The following HECW1 variants were observed in gnomAD, a reference collection of about 807,000 sequenced individuals.
HECW1 encodes E3 ubiquitin-protein ligase HECW1.
Under a neutral mutation model 182.3 loss-of-function variants are expected in HECW1, and 61 were observed. The observed-to-expected ratio is 0.33, with a 90% CI of 0.27 to 0.41. HECW1 has a LOEUF of 0.41. Among genes scored for constraint, HECW1 ranks in the 10% least tolerant of loss-of-function variants. HECW1 has a pLI of 1.00. For synonymous variants in HECW1, 859 were observed against 832.6 expected (o/e 1.03, Z -0.55); for missense variants, 1,739 against 2,108.9 (o/e 0.82, Z 3.44).
chr7:43,530,053 G>A lies in HECW1; in HGVS notation c.4020-11110G>A, dbSNP rs149260738. ...CAACCTCCGCCTCCCAGGTTCAAGC[G>A]ATTCTCCCACCTCAGCCTCTCAAGT... On this transcript the variant is annotated intron_variant, in intron 24 of 29. Coordinates refer to ENST00000395891, the MANE Select transcript of HECW1 (RefSeq NM_015052.5). Among the ~76,000 whole-genome samples the A allele has an allele frequency of 9.8e-3, 1,481 of 150,770 alleles. 70 individuals carry two copies. The highest frequency in any genetic ancestry group is 0.07 in the Admixed American group (1,066 of 15,122).
At chr7:43,361,061 T>TGC in intron 6 of HECW1, 81 bp downstream of exon 6, 4 of 97,578 alleles carry the variant, frequency 4.1e-5, no homozygotes, top group Non-Finnish European at 6.5e-5. Context: ...TGCGTGCGTG[T>TGC]GTGTGTGTGT....
At chr7:43,226,386 G>T (rs1253306851) in intron 2 of HECW1, among the ~76,000 whole-genome samples, 1 of 152,148 alleles carries the variant, frequency 6.6e-6, no homozygotes, top group African/African-American at 2.4e-5. Context: ...CCTCCCCAGT[G>T]GGGTGATGAT....
chr7:43,276,883 C>T (rs1253610783), intron 3 of HECW1, among the ~76,000 whole-genome samples: 2 of 152,196 alleles, frequency 1.3e-5, no homozygotes, highest in Non-Finnish European at 2.9e-5. Flanking sequence ...TGCTCTGCAA[C>T]CCTCCTTCAC....
In HECW1 at chr7:43,432,979, G is replaced by A. The variant is rs953006874; in HGVS notation, c.802-5024G>A. On this transcript the variant is annotated intron_variant, in intron 8 of 29. Coordinates refer to ENST00000395891, the MANE Select transcript of HECW1 (RefSeq NM_015052.5). This position sits in a 1 kb window ranked among gnomAD's most constrained non-coding sequence, Gnocchi z 4.1. ...AACATCCTCCTATATTGCAGCACCA[G>A]TGCTAATATCTCTCTGGACGATTGA... Among the ~76,000 whole-genome samples the A allele has an allele frequency of 2.6e-5, 4 of 152,330 alleles. No homozygotes were observed. The highest frequency in any genetic ancestry group is 9.6e-5 in the African/African-American group (4 of 41,576).
intron 2 of HECW1, among the ~76,000 whole-genome samples, chr7:43,179,250 G>A (rs142776528): frequency 2.0e-5 from 3 of 152,308 alleles, no homozygotes; most frequent in East Asian, 1.9e-4. Flanking sequence ...AACTTGAATC[G>A]AGCTGTATTA....
At chr7:43,412,801 G>C (rs1286911720) in intron 8 of HECW1, among the ~76,000 whole-genome samples, 1 of 150,920 alleles carries the variant, frequency 6.6e-6, no homozygotes, top group Non-Finnish European at 1.5e-5. Flanking sequence ...TTTTATGGCT[G>C]CATAGTATTC....
At chr7:43,272,878 A>G (rs1401168685) in intron 3 of HECW1, among the ~76,000 whole-genome samples, 2 of 152,232 alleles carry the variant, frequency 1.3e-5, no homozygotes, top group Non-Finnish European at 2.9e-5. Flanking sequence ...ATGCATGATC[A>G]TCGCTGCACT....
intron 2 of HECW1, among the ~76,000 whole-genome samples, chr7:43,178,066 G>A (rs747234360): frequency 8.5e-5 from 13 of 152,184 alleles, no homozygotes; most frequent in Non-Finnish European, 1.6e-4. Flanking sequence ...CTGGAGTGCA[G>A]TGGCATGATC....
intron 11 of HECW1, among the ~76,000 whole-genome samples, chr7:43,449,576 G>A (rs2077167389): frequency 1.3e-5 from 2 of 152,150 alleles, no homozygotes; most frequent in African/African-American, 4.8e-5. Flanking sequence ...TCCTTTCCAT[G>A]TGTGGATATT....
At chr7:43,114,513 G>T in intron 2 of HECW1, 122 bp downstream of exon 2, 1 of 858,796 alleles carries the variant, frequency 1.2e-6, no homozygotes, top group Non-Finnish European at 1.6e-6. Context: ...GATAGATTGT[G>T]GTAGAATTCC....
chr7:43,400,190 T>A (rs1404896351), intron 7 of HECW1, among the ~76,000 whole-genome samples: 2 of 152,146 alleles, frequency 1.3e-5, no homozygotes, highest in Non-Finnish European at 2.9e-5. Context: ...GAGCTCTAAC[T>A]GTGCAACTGT....
chr7:43,264,409 C>T (rs1279705531), intron 3 of HECW1, among the ~76,000 whole-genome samples: 1 of 152,140 alleles, frequency 6.6e-6, no homozygotes, highest in Non-Finnish European at 1.5e-5. Flanking sequence ...CAGGTTATTG[C>T]AAATAACGGA....
chr7:43,341,891 C>T (rs955877544), intron 5 of HECW1, among the ~76,000 whole-genome samples: 1 of 151,686 alleles, frequency 6.6e-6, no homozygotes, highest in African/African-American at 2.4e-5. Flanking sequence ...GATAATTTTA[C>T]TACAAAAATA....
At chr7:43,520,852 C>T (rs577398698) in intron 24 of HECW1, among the ~76,000 whole-genome samples, 14 of 152,298 alleles carry the variant, frequency 9.2e-5, no homozygotes, top group Admixed American at 5.9e-4. Context: ...CTACTGTCTG[C>T]GTCTCTCCTT....
At chr7:43,175,124 G>A (rs1421155042) in intron 2 of HECW1, among the ~76,000 whole-genome samples, 1 of 151,542 alleles carries the variant, frequency 6.6e-6, no homozygotes. Context: ...TGAGGTATAA[G>A]TTTTTGTTGG....
At chr7:43,438,318 T>C (rs1265141093) in intron 9 of HECW1, 173 bp downstream of exon 9, 3 of 543,140 alleles carry the variant, frequency 5.5e-6, no homozygotes, top group Non-Finnish European at 9.5e-6. Flanking sequence ...GTGTTTGTTA[T>C]ATTAAACAAA....
At chr7:43,545,492 G>A (rs1413178791) in intron 26 of HECW1, among the ~76,000 whole-genome samples, 2 of 152,170 alleles carry the variant, frequency 1.3e-5, no homozygotes, top group Non-Finnish European at 2.9e-5. Flanking sequence ...AAAATGCAAA[G>A]GTTAGGGCGC....
chr7:43,116,777 T>C (rs1384832733), intron 2 of HECW1, among the ~76,000 whole-genome samples: 1 of 152,244 alleles, frequency 6.6e-6, no homozygotes, highest in East Asian at 1.9e-4. Context: ...TGAAATGCTC[T>C]GTGGGGTTTT....
chr7:43,196,586 T>C (rs189385351), intron 2 of HECW1, among the ~76,000 whole-genome samples: 352 of 152,260 alleles, frequency 2.3e-3, no homozygotes, highest in African/African-American at 8.1e-3. Context: ...TCTTGCCTCA[T>C]TGATTTAATG....
Sources: gnomAD v4.1 joint callset for allele counts (sites outside exome capture counted in the v4.1 genomes callset) on GRCh38, gnomAD v4.1.1 for gene constraint, Gnocchi (gnomAD v3.1) non-coding constraint, MANE v1.5 for transcripts, NCBI Gene and HGNC (gene_info 2026-07-23, HGNC 2026-07-21) for gene names.